Variants in NRXN2 observed in about 807,000 individuals in gnomAD.
NRXN2 encodes the protein neurexin-2-beta.
In NRXN2, 29 loss-of-function variants were observed where a neutral mutation model predicts 128.8. That is an observed-to-expected ratio of 0.23 (90% CI 0.17 to 0.31). The LOEUF (loss-of-function observed/expected upper bound fraction) is 0.31. Ranked by LOEUF, NRXN2 falls within the 10% of genes least tolerant of loss-of-function variation. The pLI is 1.00. For synonymous variants in NRXN2, 1,098 were observed against 1,075.2 expected (o/e 1.02, Z -0.41); for missense variants, 1,881 against 2,452.6 (o/e 0.77, Z 4.92).
At chr11:64,659,863 G>A (rs1183566474) in intron 11 of NRXN2, among the ~76,000 whole-genome samples, 1 of 152,194 alleles carries the variant, frequency 6.6e-6, no homozygotes, top group African/African-American at 2.4e-5. Context: ...AGAGCAGTGG[G>A]GGGCAGCTGC....
At position 64,667,949 on chromosome 11, in the gene NRXN2, C is replaced by A. The variant is rs924257763; in HGVS notation, c.1360-261G>T. Among the ~76,000 whole-genome samples the A allele has an allele frequency of 1.3e-5, 2 of 152,204 alleles. No individual in the cohort carries two copies. Among genetic ancestry groups the A allele is most frequent in the Admixed American group, 1.3e-4 (2 of 15,280 alleles). On this transcript the variant is annotated intron_variant, in intron 8 of 22. Transcript: ENST00000265459. This position sits in a 1 kb window ranked among gnomAD's most constrained non-coding sequence, Gnocchi z 5.6. ...CTTGCCTGTGGGTTCTCAGTGCCCA[C>A]TAAATTGCAGTTCATAATAATGACA...
At chr11:64,715,272 AC>A (rs1482720168) in intron 1 of NRXN2, among the ~76,000 whole-genome samples, 1 of 152,192 alleles carries the variant, frequency 6.6e-6, no homozygotes, top group Non-Finnish European at 1.5e-5. Context: ...CACTGGGGAA[AC>A]CCAGGTAAAG....
intron 2 of NRXN2, among the ~76,000 whole-genome samples, chr11:64,703,580 T>C (rs765597409): frequency 6.6e-6 from 1 of 152,210 alleles, no homozygotes; most frequent in African/African-American, 2.4e-5. Context: ...TTATCTACCA[T>C]AAAACACAAC....
rs184635192 is a variant in NRXN2, at chr11:64,672,483, C to T, written c.1198-3879G>A. ...GGGACTTAATCTGGGGAGAACAAGA[C>T]GGAGGGCGGGTATTTTTAACTTGTG... On this transcript the variant is annotated intron_variant, in intron 7 of 22. Transcript: ENST00000265459. 1.3e-4 allele frequency among the ~76,000 whole-genome samples: 20 copies of T among 152,194 alleles called. No individual in the cohort carries two copies. The South Asian group carries it at 2.5e-3, about 19-fold the overall frequency.
At chr11:64,662,617 T>A (rs1178691190) in intron 9 of NRXN2, among the ~76,000 whole-genome samples, 3 of 151,750 alleles carry the variant, frequency 2.0e-5, no homozygotes, top group African/African-American at 4.8e-5. Context: ...CTGTCTCTAC[T>A]AACAAAGACA....
rs1352720429 is a variant in NRXN2, at chr11:64,626,643, AGT to A, written c.3758-93_3758-92del. ...ATTATGCAATCCTCAGGAGACTCAG[AGT>A]AAGCAGCAACATCCACGGAAAGAGG... is the stretch of plus-strand genomic sequence containing the variant. On this transcript the variant is annotated intron_variant, in intron 19 of 22. Transcript: ENST00000265459. The A allele has an allele frequency of 8.7e-6, 8 of 915,846 alleles. No individual in the cohort carries two copies. The Admixed American group carries it at 1.4e-4, about 16-fold the overall frequency. 56.7% of individuals were successfully genotyped at this position (915,846 alleles called of 1,614,324 possible).
chr11:64,609,929 TGCCCCACTGCA>T (rs974589229), intron 22 of NRXN2, among the ~76,000 whole-genome samples: 3 of 152,114 alleles, frequency 2.0e-5, no homozygotes, highest in East Asian at 1.9e-4. Context: ...AGGTCCCGCC[TGCCCCACTGCA>T]GCCCCACTGC....
rs780052134 is a variant in NRXN2 at position 64,622,968 on chromosome 11, C to T, written c.3958G>A (p.Val1320Met). 6.2e-7 allele frequency: 1 copy of T among 1,613,470 alleles called. No individual in the cohort carries two copies. The highest frequency in any genetic ancestry group is 8.5e-7 in the Non-Finnish European group (1 of 1,179,844). ...VSGLYYNGLK[V>M]LALAAESDPN... ...TCGCTCTCGGCGGCCAGCGCCAGCACCTTGAGCCCATTGTAGTAGAGGCCG... is the reference window on the plus strand; with the variant it reads ...TCGCTCTCGGCGGCCAGCGCCAGCATCTTGAGCCCATTGTAGTAGAGGCCG... The change falls in exon 21 of 23, where the codon GTG (valine) becomes ATG (methionine). Residue 1320 changes from valine (V) to methionine (M), a missense_variant. Physicochemically the swap from Val to Met is conservative, Grantham distance 21. This residue lies in a region of NRXN2 where 108 missense variants were observed against 165.2 expected (regional missense o/e 0.65). Coordinates refer to ENST00000265459, the MANE Select transcript of NRXN2 (RefSeq NM_015080.4). The surrounding 1 kb of genome is among the most constrained non-coding windows in gnomAD (Gnocchi z 4.3).
At chr11:64,712,777 C>A in intron 2 of NRXN2, 193 bp downstream of exon 2, 1 of 691,778 alleles carries the variant, frequency 1.4e-6, no homozygotes, top group South Asian at 1.5e-5. Context: ...GCCCACTCGC[C>A]CCGCCCACCG....
In NRXN2 at chr11:64,626,539, G is replaced by A. The variant is rs374315045; in HGVS notation, c.3771C>T (p.Asn1257=). 28 of 1,613,802 alleles carry A rather than the reference G, an allele frequency of 1.7e-5. No individual in the cohort carries two copies. Among genetic ancestry groups the A allele is most frequent in the Non-Finnish European group, 1.9e-5 (23 of 1,179,812 alleles). ...NERYPAGNFD[N]ERLAIARQRI... ...TCTGTCTAGCAATCGCCAGGCGCTC[G>A]TTATCAAAGTTTCCTTGGAAAAGTT... is the stretch of plus-strand genomic sequence containing the variant. Residue 1257 remains asparagine (N), a synonymous_variant, in exon 20 of 23, where the codon AAC becomes AAT. Coordinates refer to ENST00000265459, the MANE Select transcript of NRXN2 (RefSeq NM_015080.4).
intron 17 of NRXN2, among the ~76,000 whole-genome samples, chr11:64,636,662 A>G (rs2135394775): frequency 6.6e-6 from 1 of 152,120 alleles, no homozygotes; most frequent in East Asian, 1.9e-4. Context: ...GATGAGGCCT[A>G]AGGGCAAAAG....
At chr11:64,624,650 T>C (rs548883875) in intron 20 of NRXN2, among the ~76,000 whole-genome samples, 2 of 152,352 alleles carry the variant, frequency 1.3e-5, no homozygotes, top group South Asian at 4.1e-4. Context: ...AACAGGTTTC[T>C]TTCTCCAAGG....
In NRXN2 at chr11:64,661,088, C is replaced by A. The variant is rs575512423; in HGVS notation, c.1850G>T (p.Ser617Ile). 2 of 1,613,602 alleles carry A rather than the reference C, an allele frequency of 1.2e-6. No homozygotes were observed. Among genetic ancestry groups the A allele is most frequent in the African/African-American group, 2.7e-5 (2 of 75,054 alleles). The change falls in exon 10 of 23, where the codon AGC becomes ATC. Residue 617 changes from serine to isoleucine, a missense_variant. By Grantham distance (142) the Ser-to-Ile change is moderately radical (BLOSUM62 -2). Coordinates refer to ENST00000265459, the MANE Select transcript of NRXN2 (RefSeq NM_015080.4). Reference sequence around the variant, plus strand: ...CTCACTCTCCAGGTCCAGAATCTCGCTGTCTCCAGTGGCCAAGAACGGCGT... The same window carrying A: ...CTCACTCTCCAGGTCCAGAATCTCGATGTCTCCAGTGGCCAAGAACGGCGT... ...RSTPFLATGD[S>I]EILDLESELY...
chr11:64,695,990 T>C (rs905795803), intron 3 of NRXN2, among the ~76,000 whole-genome samples: 12 of 151,788 alleles, frequency 7.9e-5, no homozygotes, highest in African/African-American at 2.7e-4. Flanking sequence ...TTGGCCAAGC[T>C]GTTCCCCGTT....
At chr11:64,661,522 G>T in intron 9 of NRXN2, 2 of 550,500 alleles carry the variant, frequency 3.6e-6, no homozygotes, top group Non-Finnish European at 5.1e-6. Flanking sequence ...CCTTAGACTG[G>T]GAACCGGAAG....
chr11:64,676,972 G>A (rs2051409473), intron 7 of NRXN2, 21 bp downstream of exon 7: 2 of 1,609,936 alleles, frequency 1.2e-6, no homozygotes, highest in African/African-American at 1.3e-5. Flanking sequence ...CAAACGGTAA[G>A]ACAATTAGAG....
rs1244431803 is a variant in NRXN2, at chr11:64,651,297, G to A, written c.2876C>T (p.Ser959Leu). ...GACAATGAAGTCATTGCCGTTGCCCGAGTTGAACAGAAGAAGCCCATCAGG... is the reference window on the plus strand; with the variant it reads ...GACAATGAAGTCATTGCCGTTGCCCAAGTTGAACAGAAGAAGCCCATCAGG... ...TAPDGLLLFN[S>L]GNGNDFIVIE... The change falls in exon 14 of 23, where the codon TCG becomes TTG. Residue 959 changes from serine to leucine, a missense_variant. Ser to Leu is a moderately radical substitution (Grantham distance 145). Around this residue, in one of 7 missense-constraint regions of NRXN2, gnomAD observed 390 missense variants for 599.6 expected, o/e 0.65. Transcript: ENST00000265459. This position sits in a 1 kb window ranked among gnomAD's most constrained non-coding sequence, Gnocchi z 5.9. 2.5e-6 allele frequency: 4 copies of A among 1,614,186 alleles called. No homozygotes were observed. Among genetic ancestry groups the A allele is most frequent in the Non-Finnish European group, 3.4e-6 (4 of 1,180,036 alleles).
intron 17 of NRXN2, among the ~76,000 whole-genome samples, chr11:64,647,255 CTGTG>C (rs1196061278): frequency 2.0e-5 from 3 of 150,626 alleles, no homozygotes; most frequent in Admixed American, 6.6e-5. Flanking sequence ...GTGTGCGTGC[CTGTG>C]TGTGTTTCTT....
chr11:64,671,625 C>A (rs2050647219), intron 7 of NRXN2, among the ~76,000 whole-genome samples: 1 of 151,916 alleles, frequency 6.6e-6, no homozygotes, highest in South Asian at 2.1e-4. Context: ...AGGGCTAGAC[C>A]CAGCAGGACA....
Sources: allele counts gnomAD v4.1 joint callset (sites outside exome capture counted in the v4.1 genomes callset), GRCh38; gene constraint gnomAD v4.1.1; regional missense constraint gnomAD v4.1.1; non-coding constraint Gnocchi (gnomAD v3.1); transcripts MANE v1.5; gene names NCBI Gene and HGNC (gene_info 2026-07-23, HGNC 2026-07-21).